The following CARMIL1 variants were observed in gnomAD, a reference collection of about 807,000 sequenced individuals.
CARMIL1 encodes the protein F-actin-uncapping protein LRRC16A.
A neutral mutation model predicts 177.1 loss-of-function variants in CARMIL1; 90 were observed. That is an observed-to-expected ratio of 0.51 (90% CI 0.43 to 0.61). The LOEUF (loss-of-function observed/expected upper bound fraction) is 0.61. Ranked by LOEUF, CARMIL1 falls within the 20% of genes least tolerant of loss-of-function variation. The pLI is 0.00. For missense variants in CARMIL1, 1,380 were observed against 1,667.0 expected (o/e 0.83, Z 3.00); for synonymous variants, 577 against 606.2 (o/e 0.95, Z 0.71).
intron 2 of CARMIL1, among the ~76,000 whole-genome samples, chr6:25,399,412 C>T (rs1412475201): frequency 6.6e-6 from 1 of 152,002 alleles, no homozygotes; most frequent in African/African-American, 2.4e-5. Flanking sequence ...ATAGGAGACC[C>T]GAATGTTCTA....
At chr6:25,397,965 TACTG>T (rs1317725726) in intron 2 of CARMIL1, among the ~76,000 whole-genome samples, 2 of 152,180 alleles carry the variant, frequency 1.3e-5, no homozygotes, top group African/African-American at 4.8e-5. Context: ...TGAGGGAAGA[TACTG>T]ACATCTTTTC....
rs201406598 is a variant in CARMIL1, at chr6:25,537,939, A to G, written c.2152A>G (p.Lys718Glu). ...CGGDAIQEDL[K>E]SAERLMRDAK... ...GGGAGACGCTATCCAGGAAGATTTA[A>G]AATCAGCAGAGCGGCTCATGCGTGA... Residue 718 changes from lysine to glutamate, a missense_variant, in exon 25 of 37, where the codon AAA (lysine) becomes GAA (glutamate). Coordinates refer to ENST00000329474, the MANE Select transcript of CARMIL1 (RefSeq NM_017640.6). 1 of 1,605,932 alleles carries G rather than the reference A, an allele frequency of 6.2e-7. No individual in the cohort carries two copies. Among genetic ancestry groups the G allele is most frequent in the Admixed American group, 1.7e-5 (1 of 58,872 alleles).
chr6:25,475,264 C>T (rs755044457), intron 11 of CARMIL1, among the ~76,000 whole-genome samples: 6 of 152,000 alleles, frequency 3.9e-5, no homozygotes, highest in Non-Finnish European at 7.4e-5. Flanking sequence ...ATTAGCTGGG[C>T]GTGGTGGCAG....
intron 2 of CARMIL1, among the ~76,000 whole-genome samples, chr6:25,401,082 TATATA>T (rs1201430958): frequency 1.3e-5 from 2 of 152,200 alleles, no homozygotes; most frequent in African/African-American, 2.4e-5. Flanking sequence ...TTTATCTCCA[TATATA>T]ATATATTTAG....
intron 2 of CARMIL1, among the ~76,000 whole-genome samples, chr6:25,406,706 A>G (rs538443860): frequency 6.6e-6 from 1 of 152,318 alleles, no homozygotes; most frequent in South Asian, 2.1e-4. Context: ...TGGAAACCAT[A>G]TGGATGACCA....
chr6:25,338,910 G>T (rs1786580655), intron 2 of CARMIL1, among the ~76,000 whole-genome samples: 2 of 151,682 alleles, frequency 1.3e-5, no homozygotes. Context: ...TGATCCCATT[G>T]TTTCTGAATT....
chr6:25,520,479 T>C (rs1806444058), intron 23 of CARMIL1, 142 bp downstream of exon 23: 1 of 564,906 alleles, frequency 1.8e-6, no homozygotes, highest in Non-Finnish European at 3.1e-6. Context: ...TATGTTCTTA[T>C]GACCACAACT....
intron 2 of CARMIL1, among the ~76,000 whole-genome samples, chr6:25,321,826 T>C (rs1784697431): frequency 6.6e-6 from 1 of 151,276 alleles, no homozygotes; most frequent in African/African-American, 2.4e-5. Context: ...GCCCGGCTAA[T>C]TTTTTGTATT....
intron 26 of CARMIL1, among the ~76,000 whole-genome samples, chr6:25,542,658 C>T (rs1809037236): frequency 6.6e-6 from 1 of 151,962 alleles, no homozygotes; most frequent in African/African-American, 2.4e-5. Context: ...AGAGAAAATC[C>T]TCAACTAAAA....
At chr6:25,458,620 C>T (rs1025637049) in intron 8 of CARMIL1, among the ~76,000 whole-genome samples, 2 of 151,324 alleles carry the variant, frequency 1.3e-5, no homozygotes, top group African/African-American at 4.9e-5. Context: ...GTAGAGTATA[C>T]CTCTGTAGAG....
chr6:25,324,038 C>T (rs573963301), intron 2 of CARMIL1, among the ~76,000 whole-genome samples: 2 of 152,342 alleles, frequency 1.3e-5, no homozygotes, highest in South Asian at 4.1e-4. Flanking sequence ...TGGTTGGCAT[C>T]CCAAGTCTAG....
chr6:25,517,363 A>C lies in CARMIL1; in HGVS notation c.1822A>C (p.Lys608Gln). Reference sequence around the variant, plus strand: ...TTCAAACAGGACTGTAATATGGGACAAGAACAACATCACTGCACAAGGCTT... The same window carrying C: ...TTCAAACAGGACTGTAATATGGGACCAGAACAACATCACTGCACAAGGCTT... ...NTKLRTVIWD[K>Q]NNITAQGFQD... The change falls in exon 22 of 37, where the codon AAG (lysine) becomes CAG (glutamine). Residue 608 changes from lysine to glutamine, a missense_variant. Coordinates refer to ENST00000329474, the MANE Select transcript of CARMIL1 (RefSeq NM_017640.6). 1.9e-6 allele frequency: 3 copies of C among 1,613,344 alleles called. No homozygotes were observed. The highest frequency in any genetic ancestry group is 2.5e-6 in the Non-Finnish European group (3 of 1,179,534).
chr6:25,290,796 G>A (rs761688776), intron 2 of CARMIL1, among the ~76,000 whole-genome samples: 3 of 151,800 alleles, frequency 2.0e-5, no homozygotes, highest in South Asian at 2.1e-4. Flanking sequence ...CACCCCCCCG[G>A]CCCCTGAACG....
chr6:25,469,769 T>C (rs1290589111), intron 9 of CARMIL1, among the ~76,000 whole-genome samples: 1 of 152,146 alleles, frequency 6.6e-6, no homozygotes, highest in African/African-American at 2.4e-5. Context: ...TTCACCATGT[T>C]CCCAAGGCTG....
chr6:25,397,944 T>C (rs1581801244), intron 2 of CARMIL1, among the ~76,000 whole-genome samples: 1 of 152,324 alleles, frequency 6.6e-6, no homozygotes, highest in African/African-American at 2.4e-5. Flanking sequence ...TGTGTGTGCA[T>C]GTGCATGCAG....
At chr6:25,541,316 C>T (rs1368760837) in intron 26 of CARMIL1, among the ~76,000 whole-genome samples, 1 of 152,134 alleles carries the variant, frequency 6.6e-6, no homozygotes, top group African/African-American at 2.4e-5. Flanking sequence ...AGTGATAATA[C>T]TATACATACT....
rs750632762 is a variant in CARMIL1 at position 25,472,472 on chromosome 6, C to T, written c.825C>T (p.Asn275=). The change falls in exon 11 of 37, where the codon AAC becomes AAT. Residue 275 remains asparagine, a synonymous_variant. Coordinates refer to ENST00000329474, the MANE Select transcript of CARMIL1 (RefSeq NM_017640.6). ...CCAGTGCTCTAGCACATAATCCCAA[C>T]TCAGGACTCCACACAATTAACCTTG... ...KLASALAHNP[N]SGLHTINLAG... The T allele has an allele frequency of 1.3e-6, 2 of 1,584,008 alleles. No individual in the cohort carries two copies. Among genetic ancestry groups the T allele is most frequent in the South Asian group, 2.3e-5 (2 of 86,022 alleles).
chr6:25,378,201 G>C (rs1356385859), intron 2 of CARMIL1, among the ~76,000 whole-genome samples: 1 of 152,198 alleles, frequency 6.6e-6, no homozygotes, highest in Admixed American at 6.5e-5. Flanking sequence ...GCCCTACGCA[G>C]CTTTCATGCA....
At chr6:25,587,577 T>C (rs528969226) in intron 31 of CARMIL1, among the ~76,000 whole-genome samples, 2 of 152,374 alleles carry the variant, frequency 1.3e-5, no homozygotes, top group East Asian at 3.9e-4. Flanking sequence ...CTTTACAATA[T>C]AAATCTTATA....
Sources: gnomAD v4.1 joint callset for allele counts (sites outside exome capture counted in the v4.1 genomes callset) on GRCh38, gnomAD v4.1.1 for gene constraint, MANE v1.5 for transcripts, NCBI Gene and HGNC (gene_info 2026-07-23, HGNC 2026-07-21) for gene names.